Variants in RABGEF1 observed in about 807,000 individuals in gnomAD.
The protein encoded by RABGEF1 is RAB guanine nucleotide exchange factor 1, also known as rab5 GDP/GTP exchange factor.
Under a neutral mutation model 57.3 loss-of-function variants are expected in RABGEF1, and 26 were observed. That is an observed-to-expected ratio of 0.45 (90% CI 0.33 to 0.63). RABGEF1 has a LOEUF of 0.63. Among genes scored for constraint, RABGEF1 ranks in the 20% least tolerant of loss-of-function variants. The probability of loss-of-function intolerance (pLI) is 0.02; values close to 1 mark genes in which losing one functional copy is unlikely to be tolerated. For synonymous variants in RABGEF1, 185 were observed against 210.7 expected (o/e 0.88, Z 1.06); for missense variants, 464 against 607.6 (o/e 0.76, Z 2.48).
chr7:66,798,047 G>A (rs1186031299), intron 6 of RABGEF1, among the ~76,000 whole-genome samples: 1 of 152,182 alleles, frequency 6.6e-6, no homozygotes, highest in Non-Finnish European at 1.5e-5. Context: ...AATCCAGGTG[G>A]CAGAGGTTGC....
chr7:66,787,239 G>A (rs1009477809), intron 4 of RABGEF1, among the ~76,000 whole-genome samples: 1 of 147,744 alleles, frequency 6.8e-6, no homozygotes, highest in South Asian at 2.1e-4. Context: ...TCACTATGTT[G>A]GCCAAGCTAG....
intron 1 of RABGEF1, among the ~76,000 whole-genome samples, chr7:66,689,766 C>T (rs1370954560): frequency 6.6e-6 from 1 of 150,994 alleles, no homozygotes; most frequent in Non-Finnish European, 1.5e-5. Flanking sequence ...TGCACCATTG[C>T]ACTCCAGCCT....
chr7:66,713,860 C>T (rs1457677300), intron 2 of RABGEF1, among the ~76,000 whole-genome samples: 1 of 152,176 alleles, frequency 6.6e-6, no homozygotes, highest in Non-Finnish European at 1.5e-5. Flanking sequence ...CTGTTAATAA[C>T]ATACACTGCA....
chr7:66,708,346 G>A (rs972910367), intron 1 of RABGEF1, among the ~76,000 whole-genome samples: 1 of 151,576 alleles, frequency 6.6e-6, no homozygotes, highest in Non-Finnish European at 1.5e-5. Flanking sequence ...GGAGTGCAGT[G>A]GCGCAATCTT....
intron 1 of RABGEF1, among the ~76,000 whole-genome samples, chr7:66,691,105 A>C (rs888373530): frequency 7.9e-5 from 12 of 152,282 alleles, no homozygotes; most frequent in Non-Finnish European, 1.6e-4. Context: ...AAACAAAAAG[A>C]AAATGACAAC....
chr7:66,771,093 T>C (rs1807006876), intron 1 of RABGEF1, among the ~76,000 whole-genome samples: 1 of 152,170 alleles, frequency 6.6e-6, no homozygotes, highest in African/African-American at 2.4e-5. Context: ...TGTTCCTTTT[T>C]ACCCTGTCAG....
intron 1 of RABGEF1, among the ~76,000 whole-genome samples, chr7:66,683,816 C>G (rs945835118): frequency 1.3e-5 from 2 of 152,100 alleles, no homozygotes; most frequent in African/African-American, 4.8e-5. Context: ...TCACGAGTCA[C>G]TGAAGTCTCA....
chr7:66,755,515 G>T (rs34191148), intron 1 of RABGEF1, among the ~76,000 whole-genome samples: 42,828 of 151,952 alleles, frequency 0.28, 7,480 homozygotes, highest in Non-Finnish European at 0.38. Context: ...GAAAAGAAAT[G>T]CCTTTAACAG....
At chr7:66,763,217 C>T (rs1467387655) in intron 1 of RABGEF1, among the ~76,000 whole-genome samples, 1 of 152,124 alleles carries the variant, frequency 6.6e-6, no homozygotes, top group African/African-American at 2.4e-5. Flanking sequence ...CAAGCAGGCT[C>T]CGCTGGGTAT....
At chr7:66,682,574 G>A (rs1789932289) in intron 1 of RABGEF1, among the ~76,000 whole-genome samples, 1 of 152,148 alleles carries the variant, frequency 6.6e-6, no homozygotes, top group African/African-American at 2.4e-5. Flanking sequence ...GGCTCCCCTC[G>A]GTCCGGCTCC....
chr7:66,802,017 C>T (rs1488018207), intron 7 of RABGEF1, among the ~76,000 whole-genome samples: 1 of 152,192 alleles, frequency 6.6e-6, no homozygotes, highest in Non-Finnish European at 1.5e-5. Context: ...TCAAGCGATC[C>T]GTCCGCCTCA....
the RABGEF1 span, among the ~76,000 whole-genome samples, chr7:66,658,269 G>A: frequency 9.2e-5 from 14 of 151,868 alleles, no homozygotes; most frequent in Non-Finnish European, 1.6e-4. Context: ...GCAGTGGCTC[G>A]TGCCTGTAAT....
intron 1 of RABGEF1, among the ~76,000 whole-genome samples, chr7:66,694,293 G>C (rs1791994475): frequency 6.6e-6 from 1 of 152,230 alleles, no homozygotes; most frequent in African/African-American, 2.4e-5. Flanking sequence ...CTTCACCAAG[G>C]AGGAGTCTTT....
At chr7:66,662,023 G>T in the RABGEF1 span, among the ~76,000 whole-genome samples, 1 of 152,150 alleles carries the variant, frequency 6.6e-6, no homozygotes, top group African/African-American at 2.4e-5. Flanking sequence ...GCCGAGGCGG[G>T]TGGATCACGA....
chr7:66,720,850 G>A (rs570823240), intron 2 of RABGEF1, among the ~76,000 whole-genome samples: 3 of 152,314 alleles, frequency 2.0e-5, no homozygotes, highest in East Asian at 3.9e-4. Context: ...AGAACCAAGT[G>A]TCAATTGAAT....
chr7:66,681,894 C>A (rs897896859), upstream of RABGEF1, among the ~76,000 whole-genome samples: 4 of 152,150 alleles, frequency 2.6e-5, no homozygotes, highest in Non-Finnish European at 4.4e-5. Context: ...GAAGTAGGGA[C>A]TGAGCCACAG....
intron 3 of RABGEF1, among the ~76,000 whole-genome samples, chr7:66,782,208 G>T (rs1810084910): frequency 6.6e-6 from 1 of 152,128 alleles, no homozygotes; most frequent in African/African-American, 2.4e-5. Context: ...GATTGTACCT[G>T]ATTTATTTAT....
chr7:66,747,309 C>A (rs1443907130), intron 1 of RABGEF1, among the ~76,000 whole-genome samples: 1 of 152,154 alleles, frequency 6.6e-6, no homozygotes, highest in African/African-American at 2.4e-5. Flanking sequence ...TTGCTGAAAT[C>A]TCTGAAGCAG....
In RABGEF1 at chr7:66,799,302, T is replaced by G. The variant is rs937215769; in HGVS notation, c.729-21T>G. On this transcript the variant is annotated intron_variant, in intron 6 of 8. Transcript: ENST00000284957. Reference sequence around the variant, plus strand: ...CACAGTTTATCCTTGGAGCTCTTGTTTACTGTCTCTCTCTCTTTAGAGCCC... The same window carrying G: ...CACAGTTTATCCTTGGAGCTCTTGTGTACTGTCTCTCTCTCTTTAGAGCCC... The G allele has an allele frequency of 3.2e-6, 5 of 1,560,408 alleles. No homozygotes were observed. In the African/African-American group the frequency reaches 5.4e-5, roughly 17 times the overall value.
Sources: gnomAD v4.1 joint callset for allele counts (sites outside exome capture counted in the v4.1 genomes callset) on GRCh38, gnomAD v4.1.1 for gene constraint, MANE v1.5 for transcripts, NCBI Gene and HGNC (gene_info 2026-07-23, HGNC 2026-07-21) for gene names.